FRY: variants seen among roughly 807,000 people sequenced by gnomAD.
FRY encodes the protein protein furry homolog.
Under a neutral mutation model 348.4 loss-of-function variants are expected in FRY, and 128 were observed. That is an observed-to-expected ratio of 0.37 (90% CI 0.32 to 0.43). The LOEUF (loss-of-function observed/expected upper bound fraction) is 0.43, where lower values mean the gene tolerates loss of function less well. FRY is among the 20% of genes least tolerant of loss of function. FRY has a pLI of 1.00. For synonymous variants in FRY, 1,370 were observed against 1,374.7 expected, an observed-to-expected ratio of 1.00 and a Z score of 0.08; for missense variants, 2,736 against 3,695.2, an observed-to-expected ratio of 0.74 and a Z score of 6.73.
At chr13:32,225,140 G>T in intron 38 of FRY, 104 bp downstream of exon 38, 1 of 755,748 alleles carries the variant, frequency 1.3e-6, no homozygotes, top group South Asian at 1.4e-5. Context: ...GACTCATTTC[G>T]GGAATATTCT....
chr13:32,246,798 G>A lies in FRY; in HGVS notation c.6829-525G>A, dbSNP rs577402074. ...AACAGATTACCAGGAGGGAGGGAAA[G>A]AAAGGGTTAAGAAGGGCTTCCAGAT... On this transcript the variant is annotated intron_variant, in intron 47 of 60. Coordinates refer to ENST00000542859, the MANE Select transcript of FRY (RefSeq NM_023037.3). Among the ~76,000 whole-genome samples the A allele has an allele frequency of 3.0e-4, 45 of 152,302 alleles. No individual in the cohort carries two copies. In the South Asian group the frequency reaches 8.7e-3, roughly 29 times the overall value.
At chr13:32,166,321 G>T (rs17077169) in intron 17 of FRY, among the ~76,000 whole-genome samples, 1 of 152,172 alleles carries the variant, frequency 6.6e-6, no homozygotes, top group Non-Finnish European at 1.5e-5. Flanking sequence ...TGTTTAATTT[G>T]CAGCTGAGAC....
rs887577877 is a variant in FRY, at chr13:32,101,990, C to T, written c.298C>T (p.Arg100Cys). 5.8e-6 allele frequency: 9 copies of T among 1,543,540 alleles called. No homozygotes were observed. The highest frequency in any genetic ancestry group is 8.1e-6 in the Non-Finnish European group (9 of 1,115,886). ...LEKPLTKSLQ[R>C]GEDPQFDQVI... Reference sequence around the variant, plus strand: ...AAAGCCATTGACAAAATCTCTGCAACGTGGAGAAGACCCCCAATTTGATCA... The same window carrying T: ...AAAGCCATTGACAAAATCTCTGCAATGTGGAGAAGACCCCCAATTTGATCA... Residue 100 changes from arginine (R) to cysteine (C), a missense_variant, in exon 3 of 61, where the codon CGT becomes TGT. Arg to Cys is a radical substitution (Grantham distance 180). Coordinates refer to ENST00000542859, the MANE Select transcript of FRY (RefSeq NM_023037.3).
chr13:32,132,692 G>A (rs769078316), intron 8 of FRY, among the ~76,000 whole-genome samples: 4 of 152,136 alleles, frequency 2.6e-5, no homozygotes, highest in Non-Finnish European at 5.9e-5. Flanking sequence ...CTAGGTATAT[G>A]CACAAGAGAA....
intron 18 of FRY, 68 bp downstream of exon 18, chr13:32,171,338 G>C: frequency 7.8e-7 from 1 of 1,282,184 alleles, no homozygotes; most frequent in Non-Finnish European, 1.0e-6. Context: ...TTTTGAGACA[G>C]TCTTACTCTG....
chr13:32,069,867 C>G lies in FRY; in HGVS notation c.71-8967C>G, dbSNP rs56794879. Among the ~76,000 whole-genome samples the G allele has an allele frequency of 6.9e-3, 1,051 of 151,626 alleles. 19 individuals carry two copies. The highest frequency in any genetic ancestry group is 0.024 in the African/African-American group (990 of 41,264). On this transcript the variant is annotated intron_variant, in intron 1 of 60. Coordinates refer to ENST00000542859, the MANE Select transcript of FRY (RefSeq NM_023037.3). ...TCCTAATGCTATCCCTCCCCCAGAC[C>G]CCCACCCCCCAAGAGGCCCCGGTGT...
At chr13:32,093,517 C>A (rs185436657) in intron 2 of FRY, among the ~76,000 whole-genome samples, 1 of 152,302 alleles carries the variant, frequency 6.6e-6, no homozygotes, top group East Asian at 1.9e-4. Flanking sequence ...ATTCCTCTAA[C>A]CCCTGTATTT....
intron 56 of FRY, among the ~76,000 whole-genome samples, chr13:32,275,444 T>C (rs1044387040): frequency 6.6e-6 from 1 of 152,210 alleles, no homozygotes; most frequent in Non-Finnish European, 1.5e-5. Flanking sequence ...TATTGTGATA[T>C]GACTCTCAAA....
chr13:32,210,855 T>C lies in FRY; in HGVS notation c.4423-11T>C, dbSNP rs770275774. The C allele has an allele frequency of 3.7e-6, 6 of 1,612,938 alleles. No homozygotes were observed. The African/African-American group carries it at 8.0e-5, about 22-fold the overall frequency. On this transcript the variant is annotated splice_polypyrimidine_tract_variant and intron_variant, in intron 33 of 60. Transcript: ENST00000542859. ...TGTGAAACATCCCTTGTTTTCTTTT[T>C]TCCTTCTCAGATTAAAAAAGTGGCA...
chr13:32,274,133 A>C (rs1325817373), intron 55 of FRY, among the ~76,000 whole-genome samples: 1 of 152,208 alleles, frequency 6.6e-6, no homozygotes, highest in Non-Finnish European at 1.5e-5. Flanking sequence ...ATGATTACTT[A>C]GTTGATTTAA....
intron 2 of FRY, among the ~76,000 whole-genome samples, chr13:32,084,375 C>T (rs942063442): frequency 6.6e-6 from 1 of 152,126 alleles, no homozygotes; most frequent in African/African-American, 2.4e-5. Flanking sequence ...ACTGATCTTA[C>T]TCCCACCACA....
intron 51 of FRY, chr13:32,257,892 T>G: frequency 7.8e-7 from 1 of 1,284,696 alleles, no homozygotes; most frequent in Non-Finnish European, 1.1e-6. Flanking sequence ...GAAATGTTCT[T>G]GAGTATCTTT....
intron 36 of FRY, 91 bp from the exon 37 acceptor site, chr13:32,224,144 C>A: frequency 8.3e-7 from 1 of 1,201,022 alleles, no homozygotes; most frequent in Non-Finnish European, 1.2e-6. Context: ...TACAAGCATA[C>A]ATTTTTAAAA....
chr13:32,118,504 G>T (rs1351019858), intron 4 of FRY, among the ~76,000 whole-genome samples: 1 of 152,076 alleles, frequency 6.6e-6, no homozygotes, highest in East Asian at 1.9e-4. Context: ...TAATGTGCTT[G>T]AATTTATGCA....
At position 32,295,995 on chromosome 13, in the gene FRY, C is replaced by G. The variant is rs371306139; in HGVS notation, c.*535C>G. ...CTGTAAGATGGTCAAAAGCTGACAG[C>G]CTGTGTATGTGAAAAGGGAATTGTA... On this transcript the variant is annotated 3_prime_UTR_variant, in exon 61 of 61. Transcript: ENST00000542859. 1 of 165,906 alleles carries G rather than the reference C, an allele frequency of 6.0e-6. No homozygotes were observed. Among genetic ancestry groups the G allele is most frequent in the Non-Finnish European group, 1.3e-5 (1 of 75,302 alleles). 10.3% of individuals were successfully genotyped at this position (165,906 alleles called of 1,614,324 possible).
intron 29 of FRY, among the ~76,000 whole-genome samples, chr13:32,194,880 C>A (rs1322572875): frequency 1.4e-5 from 2 of 145,774 alleles, no homozygotes; most frequent in African/African-American, 5.1e-5. Context: ...AATAAAGATT[C>A]TCCAAGTTGC....
intron 2 of FRY, among the ~76,000 whole-genome samples, chr13:32,093,332 G>T (rs1046845051): frequency 6.6e-6 from 1 of 152,092 alleles, no homozygotes; most frequent in South Asian, 2.1e-4. Flanking sequence ...TTTGAGTCAG[G>T]ATCCAAATAA....
At chr13:32,157,211 A>G (rs181995207) in intron 15 of FRY, 62 bp from the exon 16 acceptor site, 1 of 1,495,758 alleles carries the variant, frequency 6.7e-7, no homozygotes, top group Non-Finnish European at 9.3e-7. Context: ...TAGAGGATGA[A>G]TAAATCAGGA....
At chr13:32,195,373 T>G (rs1204026049) in intron 29 of FRY, among the ~76,000 whole-genome samples, 65 of 152,190 alleles carry the variant, frequency 4.3e-4, no homozygotes, top group Non-Finnish European at 1.5e-5. Context: ...AAAGGAACAT[T>G]GTTACAAAAA....
Sources: allele counts gnomAD v4.1 joint callset (sites outside exome capture counted in the v4.1 genomes callset), GRCh38; gene constraint gnomAD v4.1.1; transcripts MANE v1.5; gene names NCBI Gene and HGNC (gene_info 2026-07-23, HGNC 2026-07-21).